CSMD1: variants seen among roughly 807,000 people sequenced by gnomAD.
CSMD1 encodes the protein CUB and sushi domain-containing protein 1.
Under a neutral mutation model 417.5 loss-of-function variants are expected in CSMD1, and 213 were observed. The observed-to-expected ratio is 0.51, with a 90% CI of 0.46 to 0.57. The LOEUF (loss-of-function observed/expected upper bound fraction) is 0.57, where lower values mean the gene tolerates loss of function less well. Among genes scored for constraint, CSMD1 ranks in the 20% least tolerant of loss-of-function variants. The pLI, the probability that CSMD1 is intolerant of heterozygous loss-of-function variation, is 0.00. For synonymous variants in CSMD1, 2,862 were observed against 1,736.8 expected (o/e 1.65, Z -16.11); for missense variants, 6,923 against 4,529.7 (o/e 1.53, Z -15.17).
intron 1 of CSMD1, among the ~76,000 whole-genome samples, chr8:4,649,518 C>A (rs1035965392): frequency 5.9e-5 from 9 of 152,200 alleles, no homozygotes; most frequent in African/African-American, 9.7e-5. Flanking sequence ...AGGACTTCTA[C>A]CCCTGTGCTC....
Position 2,963,313 on chromosome 8 carries a change from G to A in CSMD1, c.9363C>T (p.Tyr3121=). 1.2e-6 allele frequency: 2 copies of A among 1,613,944 alleles called. No individual in the cohort carries two copies. The highest frequency in any genetic ancestry group is 1.1e-5 in the South Asian group (1 of 91,078). The change falls in exon 60 of 70, where the codon TAC becomes TAT. Residue 3121 remains tyrosine (Y), a synonymous_variant. Transcript: ENST00000635120. ...SDFRWGSSIS[Y]SCMDGYQLSH... ...AGAGCTGGTAACCGTCCATGCAGCT[G>A]TAACTTATGCTGGAGCCCCAGCGGA...
chr8:3,313,608 A>G (rs1245644635), intron 23 of CSMD1, among the ~76,000 whole-genome samples: 2 of 152,214 alleles, frequency 1.3e-5, no homozygotes, highest in Non-Finnish European at 2.9e-5. Context: ...ATCATTAAAA[A>G]GTCAGGAAAC....
chr8:4,212,081 T>C (rs893561271), intron 3 of CSMD1, among the ~76,000 whole-genome samples: 11 of 151,884 alleles, frequency 7.2e-5, no homozygotes, highest in African/African-American at 2.7e-4. Flanking sequence ...AGAATATGCC[T>C]TGTCAACGGA....
chr8:3,915,110 G>C (rs1456991556), intron 5 of CSMD1, among the ~76,000 whole-genome samples: 1 of 152,024 alleles, frequency 6.6e-6, no homozygotes, highest in Non-Finnish European at 1.5e-5. Flanking sequence ...GAAGAGTCAA[G>C]AGTTTAGGTA....
intron 7 of CSMD1, among the ~76,000 whole-genome samples, chr8:3,640,927 T>C (rs1797275026): frequency 6.6e-6 from 1 of 152,072 alleles, no homozygotes; most frequent in Non-Finnish European, 1.5e-5. Flanking sequence ...TTTGTCTTTA[T>C]TTGTGAGGGA....
chr8:4,899,086 T>C (rs1054850225), intron 1 of CSMD1, among the ~76,000 whole-genome samples: 1 of 152,228 alleles, frequency 6.6e-6, no homozygotes, highest in Non-Finnish European at 1.5e-5. Flanking sequence ...GTGATTTAAG[T>C]GTGATCTGTT....
rs117829484 is a variant in CSMD1 at position 3,381,850 on chromosome 8, A to G, written c.2782+5644T>C. ...TGAGAGTTACAATTTTAGAATGTCT[A>G]TTTTCAGTCAATTTCTATGCAATTC... On this transcript the variant is annotated intron_variant, in intron 18 of 69. Transcript: ENST00000635120. Among the ~76,000 whole-genome samples, 49 of 152,300 alleles carry G rather than the reference A, an allele frequency of 3.2e-4. No homozygotes were observed. In the East Asian group the frequency reaches 8.1e-3, roughly 25 times the overall value.
At chr8:3,284,854 T>C (rs1165929134) in intron 25 of CSMD1, among the ~76,000 whole-genome samples, 1 of 152,216 alleles carries the variant, frequency 6.6e-6, no homozygotes. Flanking sequence ...GTGTTGTACT[T>C]CTTTCTAAAA....
At chr8:3,065,384 A>G (rs1812872374) in intron 49 of CSMD1, among the ~76,000 whole-genome samples, 1 of 152,094 alleles carries the variant, frequency 6.6e-6, no homozygotes, top group African/African-American at 2.4e-5. Context: ...GTCAAAAGAA[A>G]GATAGAAAGG....
chr8:3,029,298 G>T (rs772913974), intron 51 of CSMD1, 21 bp downstream of exon 51: 2 of 1,539,612 alleles, frequency 1.3e-6, no homozygotes, highest in Non-Finnish European at 1.8e-6. Context: ...GACTTTCAGG[G>T]GTGCCTCCCT....
intron 1 of CSMD1, among the ~76,000 whole-genome samples, chr8:4,719,349 C>G (rs1563213201): frequency 6.6e-6 from 1 of 152,234 alleles, no homozygotes; most frequent in Non-Finnish European, 1.5e-5. Context: ...CTCTCACGTG[C>G]CAATGCGCTT....
intron 1 of CSMD1, among the ~76,000 whole-genome samples, chr8:4,707,342 G>A (rs1808006255): frequency 6.6e-6 from 1 of 152,140 alleles, no homozygotes. Flanking sequence ...ACAAAGGAGA[G>A]CTGGGACATT....
At chr8:4,231,782 C>T (rs1025215748) in intron 3 of CSMD1, among the ~76,000 whole-genome samples, 3 of 152,044 alleles carry the variant, frequency 2.0e-5, no homozygotes, top group Admixed American at 1.3e-4. Context: ...AGCCTCAGTC[C>T]CCATACTCAG....
At chr8:4,135,411 A>C (rs1201249446) in intron 3 of CSMD1, among the ~76,000 whole-genome samples, 3 of 106,228 alleles carry the variant, frequency 2.8e-5, no homozygotes, top group African/African-American at 1.0e-4. Flanking sequence ...AGAGGGAAAG[A>C]GGGGGAAGGA....
intron 1 of CSMD1, among the ~76,000 whole-genome samples, chr8:4,778,401 T>C (rs1449436894): frequency 6.6e-6 from 1 of 152,206 alleles, no homozygotes; most frequent in Non-Finnish European, 1.5e-5. Context: ...TTTCAATTTA[T>C]TGATTCTAGA....
chr8:3,707,062 T>C (rs1379459045), intron 7 of CSMD1, among the ~76,000 whole-genome samples: 1 of 152,114 alleles, frequency 6.6e-6, no homozygotes, highest in East Asian at 1.9e-4. Context: ...GTAGCTCCTC[T>C]CTGCCTCTGA....
intron 5 of CSMD1, among the ~76,000 whole-genome samples, chr8:3,773,475 T>C (rs571583641): frequency 4.2e-4 from 64 of 152,114 alleles, no homozygotes; most frequent in African/African-American, 1.3e-3. Context: ...TTTGTAGAGA[T>C]TGGGTCTCAC....
chr8:3,631,599 G>C (rs961090399), intron 7 of CSMD1, among the ~76,000 whole-genome samples: 1 of 152,234 alleles, frequency 6.6e-6, no homozygotes, highest in East Asian at 1.9e-4. Flanking sequence ...GTAGAAGACA[G>C]GGAAGGATCC....
At chr8:3,812,786 G>C (rs1801155936) in intron 5 of CSMD1, among the ~76,000 whole-genome samples, 1 of 152,152 alleles carries the variant, frequency 6.6e-6, no homozygotes, top group Admixed American at 6.5e-5. Context: ...ATGTATAGTA[G>C]CTATTGAATT....
Sources: gnomAD v4.1 joint callset for allele counts (sites outside exome capture counted in the v4.1 genomes callset) on GRCh38, gnomAD v4.1.1 for gene constraint, MANE v1.5 for transcripts, NCBI Gene and HGNC (gene_info 2026-07-23, HGNC 2026-07-21) for gene names.